Variants in MAP4 observed in about 807,000 individuals in gnomAD.
MAP4 encodes the protein microtubule-associated protein 4.
MAP4 carries 76 observed loss-of-function variants against 170.2 expected under a neutral mutation model. The ratio of observed to expected loss-of-function variants is 0.45; its 90% CI spans 0.37 to 0.54. MAP4 has a LOEUF of 0.54. MAP4 is among the 20% of genes least tolerant of loss of function. The pLI is 0.00. For synonymous variants in MAP4, 909 were observed against 994.5 expected (o/e 0.91, Z 1.62); for missense variants, 2,506 against 2,748.0 (o/e 0.91, Z 1.97).
chr3:47,982,753 G>A lies in MAP4; in HGVS notation c.224-4820C>T, dbSNP rs538083114. 4.6e-5 allele frequency among the ~76,000 whole-genome samples: 7 copies of A among 152,180 alleles called. No homozygotes were observed. The South Asian group carries it at 1.2e-3, about 27-fold the overall frequency. ...AAAAAAAGCAAGTTAAAATTCATACGATTTGATTCCATTTGTAAAATGGAA... is the reference window on the plus strand; with the variant it reads ...AAAAAAAGCAAGTTAAAATTCATACAATTTGATTCCATTTGTAAAATGGAA... On this transcript the variant is annotated intron_variant, in intron 2 of 20. Coordinates refer to ENST00000683076, the MANE Select transcript of MAP4 (RefSeq NM_001385682.1).
At chr3:48,030,448 G>C (rs1327754633) in intron 1 of MAP4, among the ~76,000 whole-genome samples, 2 of 149,022 alleles carry the variant, frequency 1.3e-5, no homozygotes, top group South Asian at 4.5e-4. Flanking sequence ...GAAGTACCTT[G>C]TATTTCCAGA....
At chr3:47,990,535 G>A (rs915056532) in intron 2 of MAP4, among the ~76,000 whole-genome samples, 1 of 152,184 alleles carries the variant, frequency 6.6e-6, no homozygotes, top group Non-Finnish European at 1.5e-5. Flanking sequence ...AGGCCTTATG[G>A]AATGTTGAGG....
At chr3:47,901,889 G>A (rs2100030217) in intron 10 of MAP4, among the ~76,000 whole-genome samples, 1 of 152,172 alleles carries the variant, frequency 6.6e-6, no homozygotes, top group Admixed American at 6.5e-5. Context: ...GCCAGGCATG[G>A]TGCCTCACAC....
intron 1 of MAP4, among the ~76,000 whole-genome samples, chr3:48,070,689 T>G (rs898863950): frequency 6.6e-5 from 10 of 151,868 alleles, no homozygotes; most frequent in Admixed American, 6.6e-4. Flanking sequence ...AAAAAAATTT[T>G]TAGTATTTTC....
At chr3:47,892,441 C>T (rs895187912) in intron 10 of MAP4, 2 of 1,535,998 alleles carry the variant, frequency 1.3e-6, no homozygotes, top group African/African-American at 1.4e-5. Flanking sequence ...CCTTACTGAG[C>T]TGACCGTACG....
chr3:47,867,247 T>C lies in MAP4; in HGVS notation c.6500A>G (p.Asn2167Ser). 6.2e-7 allele frequency: 1 copy of C among 1,606,360 alleles called. No homozygotes were observed. Among genetic ancestry groups the C allele is most frequent in the East Asian group, 2.2e-5 (1 of 44,826 alleles). Residue 2167 changes from asparagine to serine, a missense_variant and splice_region_variant, in exon 17 of 21, where the codon AAT (asparagine) becomes AGT (serine). By Grantham distance (46) the Asn-to-Ser change is conservative (BLOSUM62 1). This residue lies in a region of MAP4 where 487 missense variants were observed against 511.6 expected (regional missense o/e 0.95). Transcript: ENST00000683076. ...CAGCTAACCAGAGCTTATACTTACA[T>C]TACCACCTCCAGGGACATGCTTAAT... Reference protein sequence around the residue: ...DNIKHVPGGGNVQIQNKKVDI... With the variant: ...DNIKHVPGGGSVQIQNKKVDI...
intron 1 of MAP4, among the ~76,000 whole-genome samples, chr3:48,045,228 A>ACTCTT (rs2100123826): frequency 6.8e-6 from 1 of 146,558 alleles, no homozygotes; most frequent in Non-Finnish European, 1.5e-5. Flanking sequence ...ACTGTGTTCC[A>ACTCTT]GCCTGGGTGA....
At chr3:47,924,937 A>G (rs959536166) in intron 4 of MAP4, among the ~76,000 whole-genome samples, 2 of 151,896 alleles carry the variant, frequency 1.3e-5, no homozygotes, top group African/African-American at 4.8e-5. Context: ...CAGCTTCCCG[A>G]GTAGCTGGGA....
intron 1 of MAP4, among the ~76,000 whole-genome samples, chr3:48,033,810 C>T: frequency 6.6e-6 from 1 of 152,072 alleles, no homozygotes; most frequent in South Asian, 2.1e-4. Flanking sequence ...ACTATGTTGG[C>T]CAGGCTGGTT....
intron 10 of MAP4, among the ~76,000 whole-genome samples, chr3:47,887,978 C>T (rs2097893498): frequency 6.8e-6 from 1 of 146,642 alleles, no homozygotes; most frequent in Non-Finnish European, 1.5e-5. Flanking sequence ...TGGAGAACCT[C>T]TGCATCTAGC....
chr3:47,943,103 T>C lies in MAP4; in HGVS notation c.293-14753A>G, dbSNP rs531776434. On this transcript the variant is annotated intron_variant, in intron 3 of 20. Coordinates refer to ENST00000683076, the MANE Select transcript of MAP4 (RefSeq NM_001385682.1). ...ATTCCTGGGCAACAGACCAAGACCC[T>C]GTCTCCAAAAACACAAAAGAAAAAA... Among the ~76,000 whole-genome samples, 5 of 152,190 alleles carry C rather than the reference T, an allele frequency of 3.3e-5. No homozygotes were observed. In the East Asian group the frequency reaches 9.6e-4, roughly 29 times the overall value.
At chr3:47,872,716 G>A (rs2093820100) in intron 12 of MAP4, among the ~76,000 whole-genome samples, 1 of 151,960 alleles carries the variant, frequency 6.6e-6, no homozygotes, top group Non-Finnish European at 1.5e-5. Flanking sequence ...CACAACCTAC[G>A]TTTGCCTCCA....
At chr3:47,991,528 C>A (rs528766977) in intron 2 of MAP4, among the ~76,000 whole-genome samples, 2 of 152,246 alleles carry the variant, frequency 1.3e-5, no homozygotes, top group African/African-American at 4.8e-5. Context: ...ATAAGCAAGG[C>A]ACGCGCACCT....
At chr3:47,952,008 T>A (rs954355288) in intron 3 of MAP4, among the ~76,000 whole-genome samples, 3 of 143,096 alleles carry the variant, frequency 2.1e-5, no homozygotes, top group South Asian at 2.3e-4. Context: ...CGCCACCCCG[T>A]CTGGGATGTG....
At chr3:47,872,354 T>C (rs1456427633) in intron 12 of MAP4, among the ~76,000 whole-genome samples, 3 of 152,124 alleles carry the variant, frequency 2.0e-5, no homozygotes, top group Non-Finnish European at 4.4e-5. Flanking sequence ...CAGCTAATTT[T>C]TTGTATTTTT....
chr3:47,867,309 G>A lies in MAP4; in HGVS notation c.6438C>T (p.Tyr2146=), dbSNP rs2082206128. ...AACCACACTTGGACTGAATATGGCT[G>A]TAGCTCACTTTTTTGGAGACTATCT... The part of the protein sequence containing the change: ...KVQIVSKKVS[Y]SHIQSKCGSK... Residue 2146 remains tyrosine, a synonymous_variant, in exon 17 of 21, where the codon TAC becomes TAT. Coordinates refer to ENST00000683076, the MANE Select transcript of MAP4 (RefSeq NM_001385682.1). The A allele has an allele frequency of 5.0e-6, 8 of 1,613,502 alleles. No individual in the cohort carries two copies. The highest frequency in any genetic ancestry group is 6.8e-6 in the Non-Finnish European group (8 of 1,179,568).
chr3:48,047,357 A>C (rs1041791744), intron 1 of MAP4, among the ~76,000 whole-genome samples: 3 of 152,046 alleles, frequency 2.0e-5, no homozygotes, highest in African/African-American at 7.2e-5. Context: ...CACCAGAATT[A>C]TCTCTCTAAA....
chr3:47,896,386 G>A (rs576310129), intron 10 of MAP4, among the ~76,000 whole-genome samples: 10 of 152,212 alleles, frequency 6.6e-5, no homozygotes, highest in South Asian at 2.1e-4. Context: ...AAAATTAGCC[G>A]GGCGTGGTGG....
chr3:47,917,345 T>C (rs775842568), intron 6 of MAP4, among the ~76,000 whole-genome samples, 171 bp from the exon 7 acceptor site: 4 of 152,158 alleles, frequency 2.6e-5, no homozygotes, highest in Non-Finnish European at 5.9e-5. Flanking sequence ...CCCAGAACTT[T>C]GGGAGGCCGA....
Sources: gnomAD v4.1 joint callset for allele counts (sites outside exome capture counted in the v4.1 genomes callset) on GRCh38, gnomAD v4.1.1 for gene constraint, gnomAD v4.1.1 regional missense constraint, MANE v1.5 for transcripts, NCBI Gene and HGNC (gene_info 2026-07-23, HGNC 2026-07-21) for gene names.